Variants in DAB1 observed in about 807,000 individuals in gnomAD.
DAB1 encodes the protein DAB adaptor protein 1.
Under a neutral mutation model 64.6 loss-of-function variants are expected in DAB1, and 15 were observed. The ratio of observed to expected loss-of-function variants is 0.23; its 90% CI spans 0.16 to 0.36. The LOEUF is 0.36. DAB1 is among the 10% of genes least tolerant of loss of function. DAB1 has a pLI of 1.00. For synonymous variants in DAB1, 235 were observed against 251.9 expected (o/e 0.93, Z 0.64); for missense variants, 596 against 706.7 (o/e 0.84, Z 1.78).
chr1:58,445,744 C>A (rs1229772137), intron 3 of DAB1, among the ~76,000 whole-genome samples: 1 of 152,158 alleles, frequency 6.6e-6, no homozygotes, highest in Non-Finnish European at 1.5e-5. Flanking sequence ...ATCCCTTGTG[C>A]TTAGGAAGCG....
chr1:58,418,308 T>C (rs979194249), intron 3 of DAB1, among the ~76,000 whole-genome samples: 1 of 152,166 alleles, frequency 6.6e-6, no homozygotes. Context: ...TGATCTCTCT[T>C]GTTAAAATAG....
intron 1 of DAB1, among the ~76,000 whole-genome samples, chr1:57,322,509 C>G (rs1416081762): frequency 6.6e-6 from 1 of 152,118 alleles, no homozygotes; most frequent in Non-Finnish European, 1.5e-5. Flanking sequence ...TTTGGCCAAC[C>G]AAAAACCTTC....
chr1:57,300,463 G>A (rs1182155775), intron 1 of DAB1, among the ~76,000 whole-genome samples: 1 of 152,182 alleles, frequency 6.6e-6, no homozygotes, highest in Non-Finnish European at 1.5e-5. Flanking sequence ...GGAGATCCTT[G>A]AACTGAGTTC....
intron 6 of DAB1, among the ~76,000 whole-genome samples, chr1:57,728,858 A>G (rs7354949): frequency 0.2 from 29,976 of 152,116 alleles, 5,541 homozygotes; most frequent in African/African-American, 0.49. Flanking sequence ...TGGCACTCCC[A>G]TTTCTATAGT....
intron 1 of DAB1, among the ~76,000 whole-genome samples, chr1:57,314,734 A>G (rs984313021): frequency 6.6e-6 from 1 of 151,674 alleles, no homozygotes; most frequent in Non-Finnish European, 1.5e-5. Context: ...CCTGGGCAAC[A>G]TATCAAGACA....
At chr1:57,661,271 T>C (rs1053205502) in intron 6 of DAB1, among the ~76,000 whole-genome samples, 3 of 152,196 alleles carry the variant, frequency 2.0e-5, no homozygotes, top group Admixed American at 6.5e-5. Flanking sequence ...GTGGAAAGGA[T>C]AGGAGCTGTG....
At chr1:57,985,870 C>A (rs187856519) in intron 5 of DAB1, among the ~76,000 whole-genome samples, 92 of 152,230 alleles carry the variant, frequency 6.0e-4, no homozygotes, top group African/African-American at 2.1e-3. Flanking sequence ...TGTGAACAAC[C>A]TAAGTGATCA....
intron 7 of DAB1, among the ~76,000 whole-genome samples, chr1:57,590,365 G>A (rs747567033): frequency 2.0e-4 from 30 of 151,692 alleles, no homozygotes; most frequent in Admixed American, 4.6e-4. Flanking sequence ...CTGTCACCAG[G>A]TTGGAGTGCA....
chr1:58,375,788 T>C (rs1314352692), intron 3 of DAB1, among the ~76,000 whole-genome samples: 1 of 145,958 alleles, frequency 6.9e-6, no homozygotes, highest in Non-Finnish European at 1.5e-5. Flanking sequence ...TCTGGTAGAA[T>C]TCAGCTGTGA....
rs1037620885 is a variant in DAB1, at chr1:57,336,711, G to A, written c.-136-45545C>T. On this transcript the variant is annotated intron_variant, in intron 1 of 14. Transcript: ENST00000371236. ...GGGCTCTTAACCATAACATTATTCT[G>A]CCCCTTACAAGAATCCAGATGTTAC... 1.3e-5 allele frequency among the ~76,000 whole-genome samples: 2 copies of A among 152,204 alleles called. 1 individual carries two copies. Among genetic ancestry groups the A allele is most frequent in the South Asian group, 4.2e-4 (2 of 4,818 alleles).
intron 6 of DAB1, among the ~76,000 whole-genome samples, chr1:57,763,972 A>T (rs1245034871): frequency 6.6e-6 from 1 of 152,192 alleles, no homozygotes; most frequent in Non-Finnish European, 1.5e-5. Context: ...TCAGGTAAGT[A>T]GATAAGAGTA....
intron 1 of DAB1, among the ~76,000 whole-genome samples, chr1:57,831,293 A>C (rs1054288424): frequency 6.6e-6 from 1 of 152,116 alleles, no homozygotes; most frequent in African/African-American, 2.4e-5. Flanking sequence ...AGGAAACCTA[A>C]ATATGAATTC....
At chr1:57,769,208 A>C (rs1649453046) in intron 6 of DAB1, among the ~76,000 whole-genome samples, 1 of 152,202 alleles carries the variant, frequency 6.6e-6, no homozygotes, top group Admixed American at 6.5e-5. Context: ...TTAATGGAAA[A>C]GGAAATTAAG....
intron 6 of DAB1, among the ~76,000 whole-genome samples, chr1:57,666,910 G>A (rs1219085728): frequency 6.6e-6 from 1 of 151,762 alleles, no homozygotes; most frequent in East Asian, 1.9e-4. Flanking sequence ...GGGAGAGAGA[G>A]AGGGAGAGGG....
intron 2 of DAB1, among the ~76,000 whole-genome samples, chr1:57,253,434 G>A (rs972095841): frequency 2.0e-5 from 3 of 152,150 alleles, no homozygotes; most frequent in Non-Finnish European, 4.4e-5. Flanking sequence ...AATGCAGAGG[G>A]AGAGGAGTAT....
chr1:58,343,006 C>T (rs1196669868), intron 4 of DAB1, among the ~76,000 whole-genome samples: 2 of 152,156 alleles, frequency 1.3e-5, no homozygotes, highest in African/African-American at 2.4e-5. Flanking sequence ...AGGCTTATGT[C>T]CAAACTTCTT....
intron 1 of DAB1, among the ~76,000 whole-genome samples, chr1:57,414,961 CTCAAA>C (rs1453669455): frequency 1.3e-5 from 2 of 152,042 alleles, no homozygotes; most frequent in East Asian, 3.9e-4. Flanking sequence ...TTTGATAAAA[CTCAAA>C]TCAAATCTCA....
intron 2 of DAB1, among the ~76,000 whole-genome samples, chr1:58,516,705 T>C (rs1178807893): frequency 1.3e-5 from 2 of 152,160 alleles, no homozygotes; most frequent in African/African-American, 2.4e-5. Context: ...ATTTTGCACG[T>C]TGAAACCTCA....
chr1:58,284,228 G>A (rs541861544), intron 4 of DAB1, among the ~76,000 whole-genome samples: 1 of 152,314 alleles, frequency 6.6e-6, no homozygotes, highest in South Asian at 2.1e-4. Flanking sequence ...ATTTTGTTTT[G>A]TTTCTCTTTC....
Sources: gnomAD v4.1 joint callset for allele counts (sites outside exome capture counted in the v4.1 genomes callset) on GRCh38, gnomAD v4.1.1 for gene constraint, MANE v1.5 for transcripts, NCBI Gene and HGNC (gene_info 2026-07-23, HGNC 2026-07-21) for gene names.